The following COL4A2 variants were observed in gnomAD, a reference collection of about 807,000 sequenced individuals.
COL4A2 encodes the protein collagen type IV alpha 2 chain, also known as collagen alpha-2(IV) chain.
Under a neutral mutation model 200.2 loss-of-function variants are expected in COL4A2, and 99 were observed. That is an observed-to-expected ratio of 0.49 (90% confidence interval 0.42 to 0.58). The LOEUF (loss-of-function observed/expected upper bound fraction) is 0.58. COL4A2 is among the 20% of genes least tolerant of loss of function. COL4A2 has a pLI of 0.00. For missense variants in COL4A2, 1,950 were observed against 2,314.1 expected (o/e 0.84, Z 3.23); for synonymous variants, 897 against 900.6 (o/e 1.00, Z 0.07).
In COL4A2 at chr13:110,512,293, AGTCT is replaced by A; in HGVS notation, c.*103_*106del. On this transcript the variant is annotated 3_prime_UTR_variant, in exon 48 of 48. Transcript: ENST00000360467. ...TTTATTTTTTTCTTAAAAAAAAAAA[AGTCT>A]ACCAAAGGAATTTGCATCCAGCAGC... 7.6e-7 allele frequency: 1 copy of A among 1,323,102 alleles called. No homozygotes were observed. The allele number at this position is 1,323,102 out of a possible 1,614,324, so 82.0% of individuals were successfully genotyped here.
In COL4A2 at chr13:110,493,236, C is replaced by A. The variant is rs1204830293; in HGVS notation, c.3588C>A (p.Arg1196=). 1.9e-6 allele frequency: 3 copies of A among 1,614,168 alleles called. No individual in the cohort carries two copies. The highest frequency in any genetic ancestry group is 2.5e-6 in the Non-Finnish European group (3 of 1,180,038). ...LPGFPGLRGI[R]GLHGLPGTKG... is the part of the protein sequence containing the mutation. ...GTTTTCCGGGACTCCGTGGGATCCG[C>A]GGCTTACACGGCTTGCCAGGCACCA... The change falls in exon 39 of 48, where the codon CGC becomes CGA. Residue 1196 remains arginine (R), a synonymous_variant. Coordinates refer to ENST00000360467, the MANE Select transcript of COL4A2 (RefSeq NM_001846.4).
chr13:110,504,380 T>C, intron 45 of COL4A2, 116 bp downstream of exon 45: 1 of 790,040 alleles, frequency 1.3e-6, no homozygotes, highest in Admixed American at 2.1e-5. Flanking sequence ...AATGAGGCGC[T>C]GCCCCACCCT....
chr13:110,325,413 C>G (rs183593352), intron 3 of COL4A2, among the ~76,000 whole-genome samples: 14 of 152,286 alleles, frequency 9.2e-5, no homozygotes, highest in African/African-American at 3.1e-4. Flanking sequence ...TTGATGGGCT[C>G]TAGTTAAAAC....
intron 4 of COL4A2, among the ~76,000 whole-genome samples, chr13:110,370,420 T>C (rs1877952797): frequency 6.6e-6 from 1 of 152,116 alleles, no homozygotes; most frequent in Non-Finnish European, 1.5e-5. Flanking sequence ...CATGTCCAGC[T>C]AATTTTTTGT....
chr13:110,421,782 T>C (rs1405823164), intron 4 of COL4A2, among the ~76,000 whole-genome samples: 1 of 152,222 alleles, frequency 6.6e-6, no homozygotes, highest in African/African-American at 2.4e-5. Context: ...GACTAGAGTT[T>C]TTCATTCCAA....
intron 34 of COL4A2, 134 bp downstream of exon 34, chr13:110,485,970 G>A: frequency 7.2e-7 from 1 of 1,393,930 alleles, no homozygotes; most frequent in Non-Finnish European, 9.6e-7. Flanking sequence ...AGGCTTGGTG[G>A]GGTCCACACA....
At chr13:110,483,231 G>T (rs550585153) in intron 32 of COL4A2, among the ~76,000 whole-genome samples, 1 of 152,306 alleles carries the variant, frequency 6.6e-6, no homozygotes, top group South Asian at 2.1e-4. Context: ...AATAATCACA[G>T]TGGTCTCTAA....
chr13:110,460,803 A>G (rs1438292963), intron 22 of COL4A2, among the ~76,000 whole-genome samples: 1 of 152,224 alleles, frequency 6.6e-6, no homozygotes, highest in Non-Finnish European at 1.5e-5. Context: ...GAGTGGGTCA[A>G]TAAGCCCATC....
intron 29 of COL4A2, among the ~76,000 whole-genome samples, chr13:110,477,320 T>C (rs1882739625): frequency 6.6e-6 from 1 of 152,260 alleles, no homozygotes; most frequent in Admixed American, 6.5e-5. Context: ...TTTCACTGCA[T>C]CATGACTGCC....
At chr13:110,318,672 G>A (rs1047018242) in intron 3 of COL4A2, among the ~76,000 whole-genome samples, 2 of 152,254 alleles carry the variant, frequency 1.3e-5, no homozygotes, top group Middle Eastern at 3.4e-3. Context: ...CTAAAACTGG[G>A]TTAAAATAGT....
chr13:110,318,561 A>G (rs1264482388), intron 3 of COL4A2, among the ~76,000 whole-genome samples: 1 of 152,184 alleles, frequency 6.6e-6, no homozygotes, highest in East Asian at 1.9e-4. Flanking sequence ...GCCCCACAGA[A>G]ATAGGGCCAG....
At chr13:110,506,734 C>G (rs1446550535) in intron 46 of COL4A2, 128 bp downstream of exon 46, 2 of 1,001,238 alleles carry the variant, frequency 2.0e-6, no homozygotes, top group Non-Finnish European at 2.9e-6. Flanking sequence ...AAGGGTCCAT[C>G]TACATTCCTC....
At chr13:110,400,380 C>G (rs140632861) in intron 4 of COL4A2, among the ~76,000 whole-genome samples, 139 of 152,280 alleles carry the variant, frequency 9.1e-4, no homozygotes, top group African/African-American at 3.2e-3. Context: ...CATTCCTTCT[C>G]CCTGAAAGAG....
intron 45 of COL4A2, 30 bp from the exon 46 acceptor site, chr13:110,506,385 C>T (rs767776119): frequency 1.2e-5 from 19 of 1,590,098 alleles, no homozygotes; most frequent in Admixed American, 3.5e-5. Context: ...TGCACCAGGC[C>T]GTCCACTCTC....
At chr13:110,411,096 C>A (rs900870821) in intron 4 of COL4A2, among the ~76,000 whole-genome samples, 2 of 152,160 alleles carry the variant, frequency 1.3e-5, no homozygotes, top group Admixed American at 1.3e-4. Flanking sequence ...CATCTCAGCT[C>A]CTATCTGTGG....
intron 3 of COL4A2, among the ~76,000 whole-genome samples, chr13:110,335,368 G>A (rs889644525): frequency 6.6e-5 from 10 of 152,050 alleles, no homozygotes; most frequent in South Asian, 2.1e-4. Flanking sequence ...TCATGAGGGC[G>A]GTTTCCCCCA....
In COL4A2 at chr13:110,503,433, G is replaced by C. The variant is rs758319138; in HGVS notation, c.4090G>C (p.Val1364Leu). The C allele has an allele frequency of 3.1e-6, 5 of 1,588,390 alleles. No homozygotes were observed. Among genetic ancestry groups the C allele is most frequent in the Non-Finnish European group, 4.3e-6 (5 of 1,166,752 alleles). The stretch of plus-strand genomic sequence containing the variant: ...GGGGAACACTGGACCCACTGGGGCG[G>C]TGGGCGACAGAGGCCCCAAGGGACC... ...FMGNTGPTGA[V>L]GDRGPKGPKG... The change falls in exon 43 of 48, where the codon GTG becomes CTG. Residue 1364 changes from valine to leucine, a missense_variant. Physicochemically the swap from Val to Leu is conservative, Grantham distance 32. This residue lies in a region of COL4A2 where 1,385 missense variants were observed against 1,720.5 expected (regional missense o/e 0.80). Coordinates refer to ENST00000360467, the MANE Select transcript of COL4A2 (RefSeq NM_001846.4).
intron 30 of COL4A2, among the ~76,000 whole-genome samples, chr13:110,479,334 C>T (rs1038179050): frequency 4.6e-4 from 13 of 28,378 alleles, no homozygotes; most frequent in Admixed American, 5.3e-4. Flanking sequence ...TCCCCGGTGA[C>T]CCAGAGGAGG....
At chr13:110,426,525 A>G (rs4600332) in intron 6 of COL4A2, among the ~76,000 whole-genome samples, 91,729 of 152,070 alleles carry the variant, frequency 0.6, 28,157 homozygotes, top group East Asian at 0.77. Context: ...TAGAGTTTGA[A>G]GGACCTGGAT....
Sources: allele counts gnomAD v4.1 joint callset (sites outside exome capture counted in the v4.1 genomes callset), GRCh38; gene constraint gnomAD v4.1.1; regional missense constraint gnomAD v4.1.1; transcripts MANE v1.5; gene names NCBI Gene and HGNC (gene_info 2026-07-23, HGNC 2026-07-21).